Variants in MCC observed in about 807,000 individuals in gnomAD.
MCC encodes the protein colorectal mutant cancer protein.
In MCC, 90 loss-of-function variants were observed where a neutral mutation model predicts 116.2. The ratio of observed to expected loss-of-function variants is 0.77; its 90% CI spans 0.65 to 0.92. The LOEUF (loss-of-function observed/expected upper bound fraction) is 0.92, where lower values mean the gene tolerates loss of function less well. MCC is among the 40% of genes least tolerant of loss of function. The pLI is 0.00. For synonymous variants in MCC, 578 were observed against 510.5 expected (o/e 1.13, Z -1.78); for missense variants, 1,516 against 1,312.2 (o/e 1.16, Z -2.40).
intron 14 of MCC, among the ~76,000 whole-genome samples, chr5:113,063,097 T>C (rs940659501): frequency 1.3e-5 from 2 of 152,242 alleles, no homozygotes; most frequent in African/African-American, 4.8e-5. Context: ...ACATTATCTC[T>C]GAGCCAAGGT....
At chr5:113,305,554 C>T (rs1310211714) in intron 3 of MCC, among the ~76,000 whole-genome samples, 2 of 152,176 alleles carry the variant, frequency 1.3e-5, no homozygotes, top group Non-Finnish European at 2.9e-5. Context: ...CCTTCATCTT[C>T]TCTTCCAGTC....
At chr5:113,054,604 G>C (rs986634565) in intron 14 of MCC, among the ~76,000 whole-genome samples, 1 of 152,216 alleles carries the variant, frequency 6.6e-6, no homozygotes, top group African/African-American at 2.4e-5. Flanking sequence ...TCTGTTGTTT[G>C]CAACATGTAC....
chr5:113,046,634 A>G (rs1752090939), intron 16 of MCC, among the ~76,000 whole-genome samples: 1 of 148,256 alleles, frequency 6.7e-6, no homozygotes, highest in Non-Finnish European at 1.5e-5. Context: ...CCAAGAACAC[A>G]CACAAACACT....
chr5:113,414,399 G>C (rs1161806137), intron 1 of MCC, among the ~76,000 whole-genome samples: 1 of 152,180 alleles, frequency 6.6e-6, no homozygotes, highest in Admixed American at 6.5e-5. Context: ...TTGTGTGAGA[G>C]TCTAAGTCTC....
intron 17 of MCC, among the ~76,000 whole-genome samples, chr5:113,030,775 A>C (rs915585908): frequency 3.3e-5 from 5 of 152,212 alleles, no homozygotes; most frequent in Admixed American, 1.3e-4. Flanking sequence ...TTTTGTAAAA[A>C]CTGAAAAGCT....
At chr5:113,419,637 A>G (rs1770263848) in intron 1 of MCC, among the ~76,000 whole-genome samples, 1 of 152,030 alleles carries the variant, frequency 6.6e-6, no homozygotes, top group Admixed American at 6.6e-5. Flanking sequence ...TCCAACAATG[A>G]TAGACTGGAT....
At chr5:113,456,270 G>A (rs1214898287) in intron 1 of MCC, among the ~76,000 whole-genome samples, 1 of 152,156 alleles carries the variant, frequency 6.6e-6, no homozygotes, top group African/African-American at 2.4e-5. Context: ...ACACAGCTAT[G>A]ACACCAGTCA....
rs534504073 is a variant in MCC, at chr5:113,309,118, T to G, written c.627+31401A>C. On this transcript the variant is annotated intron_variant, in intron 3 of 18. Transcript: ENST00000408903. ...ATCATCATGCTCTTACAGAATTTCCTAACAGAATTTGAATCAACATCCCCC... is the reference window on the plus strand; with the variant it reads ...ATCATCATGCTCTTACAGAATTTCCGAACAGAATTTGAATCAACATCCCCC... 2.0e-5 allele frequency among the ~76,000 whole-genome samples: 3 copies of G among 152,372 alleles called. No homozygotes were observed. In the South Asian group the frequency reaches 6.2e-4, roughly 32 times the overall value.
chr5:113,304,385 A>G (rs1310310277), intron 3 of MCC, among the ~76,000 whole-genome samples: 1 of 152,236 alleles, frequency 6.6e-6, no homozygotes, highest in African/African-American at 2.4e-5. Flanking sequence ...AACTGCAAAT[A>G]TAACTCAAGC....
At chr5:113,292,456 A>G (rs753896765) in intron 3 of MCC, among the ~76,000 whole-genome samples, 3 of 152,308 alleles carry the variant, frequency 2.0e-5, no homozygotes, top group Non-Finnish European at 1.5e-5. Context: ...CCTTAGGAAC[A>G]ATATTATGTC....
chr5:113,114,052 G>A (rs1461931433), intron 6 of MCC, among the ~76,000 whole-genome samples: 1 of 145,948 alleles, frequency 6.9e-6, no homozygotes, highest in Non-Finnish European at 1.5e-5. Context: ...TTTAGGGGGT[G>A]AAGCATCATG....
intron 11 of MCC, among the ~76,000 whole-genome samples, chr5:113,076,738 G>A (rs762846660): frequency 1.9e-4 from 29 of 152,210 alleles, no homozygotes; most frequent in Non-Finnish European, 3.5e-4. Flanking sequence ...AGGCTAGGAA[G>A]AAACTGCATC....
At chr5:113,271,904 C>A (rs1367876580) in intron 3 of MCC, among the ~76,000 whole-genome samples, 1 of 152,128 alleles carries the variant, frequency 6.6e-6, no homozygotes, top group Admixed American at 6.5e-5. Context: ...CAAATAAATT[C>A]CTATTAATAA....
At chr5:113,283,602 C>T (rs1766136915) in intron 3 of MCC, among the ~76,000 whole-genome samples, 1 of 152,094 alleles carries the variant, frequency 6.6e-6, no homozygotes, top group Admixed American at 6.5e-5. Flanking sequence ...CCAATCACTC[C>T]CTGTCAACAT....
At chr5:113,202,901 C>A in intron 3 of MCC, among the ~76,000 whole-genome samples, 1 of 151,902 alleles carries the variant, frequency 6.6e-6, no homozygotes, top group Admixed American at 6.5e-5. Flanking sequence ...TTTTCATCAA[C>A]AATGCCTGCT....
At chr5:113,438,200 T>TG (rs1317956002) in intron 1 of MCC, among the ~76,000 whole-genome samples, 2 of 152,106 alleles carry the variant, frequency 1.3e-5, no homozygotes, top group African/African-American at 2.4e-5. Flanking sequence ...TTTTGGGTTG[T>TG]GGGGGGAGTC....
In MCC at chr5:113,488,284, A is replaced by C. The variant is rs1204845352; in HGVS notation, c.131T>G (p.Phe44Cys). ...GTCCCCGTCGCCGTCGCACGTCTGGAAGAGGCGCCGCATCCTCTCCTCCTC... is the reference window on the plus strand; with the variant it reads ...GTCCCCGTCGCCGTCGCACGTCTGGCAGAGGCGCCGCATCCTCTCCTCCTC... The part of the protein sequence containing the change: ...TGEEERMRRL[F>C]QTCDGDGDGY... The change falls in exon 1 of 19, where the codon TTC (phenylalanine) becomes TGC (cysteine). Residue 44 changes from phenylalanine (F) to cysteine (C), a missense_variant. Coordinates refer to ENST00000408903, the MANE Select transcript of MCC (RefSeq NM_001085377.2). The C allele has an allele frequency of 2.0e-5, 32 of 1,595,116 alleles. No homozygotes were observed. Among genetic ancestry groups the C allele is most frequent in the Non-Finnish European group, 2.7e-5 (32 of 1,171,908 alleles).
At position 113,084,082 on chromosome 5, in the gene MCC, G is replaced by A; in HGVS notation, c.1635+19C>T. On this transcript the variant is annotated intron_variant, in intron 10 of 18. Transcript: ENST00000408903. ...GCTCTGCCGGGTACTTTCTTGCCTT[G>A]CTTCTCATGAACACTCACCCCTATG... 1.2e-6 allele frequency: 2 copies of A among 1,606,632 alleles called. No homozygotes were observed. The highest frequency in any genetic ancestry group is 1.3e-5 in the African/African-American group (1 of 74,810).
intron 3 of MCC, among the ~76,000 whole-genome samples, chr5:113,237,594 A>C (rs955318774): frequency 6.6e-6 from 1 of 152,226 alleles, no homozygotes; most frequent in East Asian, 1.9e-4. Context: ...TCACCAAGGC[A>C]CTGGGAGGAA....
Sources: allele counts gnomAD v4.1 joint callset (sites outside exome capture counted in the v4.1 genomes callset), GRCh38; gene constraint gnomAD v4.1.1; transcripts MANE v1.5; gene names NCBI Gene and HGNC (gene_info 2026-07-23, HGNC 2026-07-21).